LPP: variants seen among roughly 807,000 people sequenced by gnomAD.
The protein encoded by LPP is lipoma-preferred partner.
In LPP, 38 loss-of-function variants were observed where a neutral mutation model predicts 60.4. The observed-to-expected ratio is 0.63, with a 90% CI of 0.49 to 0.83. The LOEUF (loss-of-function observed/expected upper bound fraction) is 0.83, where lower values mean the gene tolerates loss of function less well. Ranked by LOEUF, LPP falls within the 40% of genes least tolerant of loss-of-function variation. LPP has a pLI of 0.00. For synonymous variants in LPP, 328 were observed against 290.8 expected, an observed-to-expected ratio of 1.13 and a Z score of -1.30; for missense variants, 902 against 783.6, an observed-to-expected ratio of 1.15 and a Z score of -1.80.
rs541427459 is a variant in LPP, at chr3:188,508,913, C to G, written c.307-15752C>G. On this transcript the variant is annotated intron_variant, in intron 5 of 11. Coordinates refer to ENST00000617246, the MANE Select transcript of LPP (RefSeq NM_001375462.1). Reference sequence around the variant, plus strand: ...CAGCAGATTTCAAATTTAGCATGGACAAGAATTGGGGTGAGGCCGATGGGT... The same window carrying G: ...CAGCAGATTTCAAATTTAGCATGGAGAAGAATTGGGGTGAGGCCGATGGGT... 1.2e-4 allele frequency among the ~76,000 whole-genome samples: 19 copies of G among 152,264 alleles called. No individual in the cohort carries two copies. The South Asian group carries it at 3.9e-3, about 32-fold the overall frequency.
At chr3:188,497,069 AAT>A (rs1810444522) in intron 5 of LPP, among the ~76,000 whole-genome samples, 1 of 152,078 alleles carries the variant, frequency 6.6e-6, no homozygotes, top group Admixed American at 6.5e-5. Flanking sequence ...TATTATAAGA[AAT>A]ATAAGTTTTG....
chr3:188,439,255 C>G (rs1578896810), intron 4 of LPP, among the ~76,000 whole-genome samples: 1 of 152,158 alleles, frequency 6.6e-6, no homozygotes, highest in South Asian at 2.1e-4. Flanking sequence ...AAGGGGGTTA[C>G]AGCCGTGACT....
Position 188,352,358 on chromosome 3 carries a change from G to A in LPP, c.-10+10639G>A, listed in dbSNP as rs1766109488. On this transcript the variant is annotated intron_variant, in intron 3 of 11. Transcript: ENST00000617246. This position sits in a 1 kb window ranked among gnomAD's most constrained non-coding sequence, Gnocchi z 4.4. Reference sequence around the variant, plus strand: ...CCTTTGGCAGCTTGTGAGCGGTGTTGCCATGACACTCCTTGGGCTCTGTTT... The same window carrying A: ...CCTTTGGCAGCTTGTGAGCGGTGTTACCATGACACTCCTTGGGCTCTGTTT... Among the ~76,000 whole-genome samples, 2 of 152,158 alleles carry A rather than the reference G, an allele frequency of 1.3e-5. No homozygotes were observed. Among genetic ancestry groups the A allele is most frequent in the African/African-American group, 2.4e-5 (1 of 41,438 alleles).
At chr3:188,230,113 G>A (rs900471949) in intron 2 of LPP, among the ~76,000 whole-genome samples, 9 of 151,292 alleles carry the variant, frequency 5.9e-5, no homozygotes, top group African/African-American at 1.9e-4. Flanking sequence ...TTGAGATGGA[G>A]TCTCATTCCG....
intron 4 of LPP, among the ~76,000 whole-genome samples, chr3:188,465,444 T>C (rs1213278167): frequency 6.6e-6 from 1 of 152,182 alleles, no homozygotes; most frequent in Non-Finnish European, 1.5e-5. Flanking sequence ...ACACTGGGCT[T>C]AATCCTCTGG....
At chr3:188,235,623 AC>A (rs1229895924) in intron 2 of LPP, among the ~76,000 whole-genome samples, 1 of 152,204 alleles carries the variant, frequency 6.6e-6, no homozygotes, top group Non-Finnish European at 1.5e-5. Flanking sequence ...GTGCTGACTT[AC>A]CTTGGGCAAT....
At chr3:188,251,570 CA>C (rs1729642923) in intron 2 of LPP, among the ~76,000 whole-genome samples, 1 of 151,976 alleles carries the variant, frequency 6.6e-6, no homozygotes, top group Non-Finnish European at 1.5e-5. Flanking sequence ...TATATGGGTG[CA>C]TATACAAATA....
At chr3:188,677,283 CT>C (rs1442702957) in intron 7 of LPP, among the ~76,000 whole-genome samples, 1 of 152,150 alleles carries the variant, frequency 6.6e-6, no homozygotes, top group Admixed American at 6.5e-5. Context: ...AATTATGTTA[CT>C]TTTAGAATCT....
At chr3:188,310,094 A>G (rs545175273) in intron 2 of LPP, among the ~76,000 whole-genome samples, 66 of 152,286 alleles carry the variant, frequency 4.3e-4, no homozygotes, top group Admixed American at 7.2e-4. Context: ...ATGACTGCCA[A>G]CAAAACCCAG....
In LPP at chr3:188,609,595, G is replaced by A. The variant is rs1344327110; in HGVS notation, c.864G>A (p.Gly288=). 8 of 1,614,052 alleles carry A rather than the reference G, an allele frequency of 5.0e-6. No individual in the cohort carries two copies. Among genetic ancestry groups the A allele is most frequent in the Non-Finnish European group, 6.8e-6 (8 of 1,180,044 alleles). The change falls in exon 7 of 12, where the codon GGG becomes GGA. Residue 288 remains glycine (G), a synonymous_variant. Coordinates refer to ENST00000617246, the MANE Select transcript of LPP (RefSeq NM_001375462.1). This position sits in a 1 kb window ranked among gnomAD's most constrained non-coding sequence, Gnocchi z 6.9. ...PPGLQPEPGY[G]YAPNQGRYYE... Reference sequence around the variant, plus strand: ...GACTTCAGCCGGAGCCTGGGTATGGGTATGCCCCCAACCAGGGACGCTATT... The same window carrying A: ...GACTTCAGCCGGAGCCTGGGTATGGATATGCCCCCAACCAGGGACGCTATT...
chr3:188,175,655 A>G (rs1418923297), intron 1 of LPP, among the ~76,000 whole-genome samples: 1 of 152,134 alleles, frequency 6.6e-6, no homozygotes, highest in African/African-American at 2.4e-5. Flanking sequence ...TAGAATGCAA[A>G]TGCTCTCTTA....
At chr3:188,584,822 T>G (rs1837079759) in intron 6 of LPP, among the ~76,000 whole-genome samples, 1 of 152,058 alleles carries the variant, frequency 6.6e-6, no homozygotes, top group East Asian at 1.9e-4. Flanking sequence ...TCTACCAACC[T>G]TTTTTGAAAC....
At chr3:188,730,375 A>T (rs1242696929) in intron 8 of LPP, among the ~76,000 whole-genome samples, 1 of 152,194 alleles carries the variant, frequency 6.6e-6, no homozygotes, top group Non-Finnish European at 1.5e-5. Flanking sequence ...ACTTTTCTCC[A>T]TTAACTCTGG....
chr3:188,708,470 C>T (rs1219315615), intron 8 of LPP, 77 bp downstream of exon 8: 1 of 1,572,734 alleles, frequency 6.4e-7, no homozygotes, highest in Non-Finnish European at 8.8e-7. Flanking sequence ...GAACTATTAT[C>T]AGCTCCACTG....
At chr3:188,387,715 C>T (rs187768333) in intron 3 of LPP, among the ~76,000 whole-genome samples, 151 of 151,696 alleles carry the variant, frequency 1.0e-3, no homozygotes, top group African/African-American at 3.2e-3. Context: ...TACAGGTGTG[C>T]GCCACCACAC....
chr3:188,369,539 T>C (rs1772373926), intron 3 of LPP, among the ~76,000 whole-genome samples: 2 of 152,176 alleles, frequency 1.3e-5, no homozygotes, highest in South Asian at 2.1e-4. Flanking sequence ...AGTGAGATAA[T>C]AGATATGAAA....
At chr3:188,729,039 A>G (rs62291294) in intron 8 of LPP, among the ~76,000 whole-genome samples, 33,850 of 152,164 alleles carry the variant, frequency 0.22, 4,730 homozygotes, top group Middle Eastern at 0.46. Context: ...GGAATGTTTG[A>G]GAGCTCTAGG....
rs567002726 is a variant in LPP, at chr3:188,882,986, C to T, written c.*8507C>T. Reference sequence around the variant, plus strand: ...CTCGTGATCCGCCCGCCTCGGCCTCCCAAAGTGCCAATTCTGACTCTACTT... The same window carrying T: ...CTCGTGATCCGCCCGCCTCGGCCTCTCAAAGTGCCAATTCTGACTCTACTT... On this transcript the variant is annotated 3_prime_UTR_variant, in exon 12 of 12. Transcript: ENST00000617246. 1.5e-4 allele frequency: 29 copies of T among 191,084 alleles called. No homozygotes were observed. In the East Asian group the frequency reaches 2.3e-3, roughly 15 times the overall value. 11.8% of individuals were successfully genotyped at this position (191,084 alleles called of 1,614,324 possible). A position where few individuals can be genotyped will look rare whatever the true frequency, so the allele number is the denominator to read the frequency against.
At chr3:188,692,012 C>A (rs1421677508) in intron 7 of LPP, among the ~76,000 whole-genome samples, 1 of 152,142 alleles carries the variant, frequency 6.6e-6, no homozygotes. Context: ...ATGGAACCTG[C>A]AAAAAAATCT....
Sources: gnomAD v4.1 joint callset for allele counts (sites outside exome capture counted in the v4.1 genomes callset) on GRCh38, gnomAD v4.1.1 for gene constraint, Gnocchi (gnomAD v3.1) non-coding constraint, MANE v1.5 for transcripts, NCBI Gene and HGNC (gene_info 2026-07-23, HGNC 2026-07-21) for gene names.